The following VPS26A variants were observed in gnomAD, a reference collection of about 807,000 sequenced individuals.
VPS26A encodes the protein VPS26 retromer complex component A.
VPS26A carries 22 observed loss-of-function variants against 42.4 expected under a neutral mutation model. The observed-to-expected ratio is 0.52, with a 90% CI of 0.37 to 0.74. The LOEUF (loss-of-function observed/expected upper bound fraction) is 0.74. Ranked by LOEUF, VPS26A falls within the 30% of genes least tolerant of loss-of-function variation. The pLI is 0.00. For synonymous variants in VPS26A, 110 were observed against 123.5 expected, an observed-to-expected ratio of 0.89 and a Z score of 0.73; for missense variants, 276 against 379.2, an observed-to-expected ratio of 0.73 and a Z score of 2.26.
chr10:69,164,046 C>T (rs866582276), intron 6 of VPS26A, among the ~76,000 whole-genome samples: 4 of 152,026 alleles, frequency 2.6e-5, no homozygotes, highest in Non-Finnish European at 5.9e-5. Context: ...GGATTACAAG[C>T]GTGAGCCACC....
chr10:69,124,457 C>A (rs1391297233), intron 1 of VPS26A, among the ~76,000 whole-genome samples, 177 bp downstream of exon 1: 3 of 152,048 alleles, frequency 2.0e-5, no homozygotes, highest in Admixed American at 1.3e-4. Flanking sequence ...GCCACCTCTT[C>A]CCGGTCTCGG....
chr10:69,125,800 A>G (rs61868343), intron 1 of VPS26A, among the ~76,000 whole-genome samples: 27,179 of 151,996 alleles, frequency 0.18, 2,791 homozygotes, highest in Non-Finnish European at 0.23. Flanking sequence ...TCCACCTCAG[A>G]AATGCAATGA....
chr10:69,142,848 A>G (rs911881424), intron 2 of VPS26A, among the ~76,000 whole-genome samples: 4 of 152,222 alleles, frequency 2.6e-5, no homozygotes, highest in South Asian at 2.1e-4. Context: ...CTAGTTTTCA[A>G]ACATCCTGGT....
intron 8 of VPS26A, among the ~76,000 whole-genome samples, 175 bp from the exon 9 acceptor site, chr10:69,170,981 G>T (rs1396631539): frequency 3.3e-5 from 5 of 152,160 alleles, no homozygotes; most frequent in Non-Finnish European, 7.3e-5. Context: ...AGCACTAGAG[G>T]TAGAAGGGGC....
chr10:69,133,506 A>C, intron 2 of VPS26A: 1 of 1,239,660 alleles, frequency 8.1e-7, no homozygotes. Context: ...TACTGCTACT[A>C]TTGTGTCTGT....
chr10:69,165,645 C>T (rs1241039248), intron 6 of VPS26A, among the ~76,000 whole-genome samples: 3 of 151,744 alleles, frequency 2.0e-5, no homozygotes, highest in African/African-American at 7.3e-5. Context: ...CATCTCTATC[C>T]CAAAAAATAC....
intron 8 of VPS26A, among the ~76,000 whole-genome samples, chr10:69,169,795 G>T (rs927196651): frequency 1.3e-5 from 2 of 151,812 alleles, no homozygotes; most frequent in East Asian, 1.9e-4. Context: ...TTTTAGTAGA[G>T]ACTGGGTTTC....
intron 6 of VPS26A, among the ~76,000 whole-genome samples, chr10:69,163,836 G>A (rs1325967595): frequency 6.7e-6 from 1 of 150,166 alleles, no homozygotes; most frequent in East Asian, 1.9e-4. Flanking sequence ...CGCAATCTCG[G>A]CTCACTGCAA....
chr10:69,124,649 T>C (rs1461528827), intron 1 of VPS26A, among the ~76,000 whole-genome samples: 1 of 152,142 alleles, frequency 6.6e-6, no homozygotes, highest in Non-Finnish European at 1.5e-5. Flanking sequence ...CAGCCTCTCT[T>C]CCATCCAGGT....
At chr10:69,151,319 G>T (rs552875241) in intron 2 of VPS26A, among the ~76,000 whole-genome samples, 1 of 149,810 alleles carries the variant, frequency 6.7e-6, no homozygotes, top group African/African-American at 2.5e-5. Flanking sequence ...GTGTGTGGTG[G>T]CAGTTGCCTG....
chr10:69,165,233 G>T (rs541860474), intron 6 of VPS26A, among the ~76,000 whole-genome samples: 1 of 151,894 alleles, frequency 6.6e-6, no homozygotes, highest in Non-Finnish European at 1.5e-5. Context: ...TGGCCTCATC[G>T]TCGGGTTTTT....
At position 69,157,216 on chromosome 10, in the gene VPS26A, C is replaced by A. The variant is rs550191690; in HGVS notation, c.386+53C>A. The A allele has an allele frequency of 6.9e-4, 1,051 of 1,531,418 alleles. 13 individuals carry two copies. In the South Asian group the frequency reaches 0.011, roughly 15 times the overall value. The allele number at this position is 1,531,418 out of a possible 1,614,324, so 94.9% of individuals were successfully genotyped here. On this transcript the variant is annotated intron_variant, in intron 4 of 8. Coordinates refer to ENST00000263559, the MANE Select transcript of VPS26A (RefSeq NM_004896.5). ...CAGAATCAAAACCAGAAAGTAATGA[C>A]TACTGTTGATATCTTATTTGAACCT...
chr10:69,124,937 C>CT (rs1049281083), intron 1 of VPS26A, among the ~76,000 whole-genome samples: 5 of 152,194 alleles, frequency 3.3e-5, no homozygotes, highest in Non-Finnish European at 7.3e-5. Context: ...TTTCGCTGAA[C>CT]TTAACGCTCT....
chr10:69,137,901 C>T (rs989215125), intron 2 of VPS26A, among the ~76,000 whole-genome samples: 2 of 147,326 alleles, frequency 1.4e-5, no homozygotes, highest in Non-Finnish European at 2.9e-5. Flanking sequence ...AAAATTCACC[C>T]ATTTTAAGTG....
chr10:69,127,871 A>G (rs1186145272), intron 1 of VPS26A, among the ~76,000 whole-genome samples: 1 of 150,834 alleles, frequency 6.6e-6, no homozygotes, highest in African/African-American at 2.4e-5. Flanking sequence ...TAATTTTTTA[A>G]ATTTTTGTAG....
chr10:69,145,685 C>T (rs1841142478), intron 2 of VPS26A, among the ~76,000 whole-genome samples: 1 of 151,160 alleles, frequency 6.6e-6, no homozygotes, highest in Non-Finnish European at 1.5e-5. Flanking sequence ...GAATTTTATT[C>T]TGTTCTGTTG....
intron 2 of VPS26A, among the ~76,000 whole-genome samples, chr10:69,137,862 G>GATATATATATATATATATAT (rs745881334): frequency 5.7e-4 from 82 of 144,858 alleles, no homozygotes; most frequent in African/African-American, 2.2e-3. Flanking sequence ...GCTGTATTGA[G>GATATATATATATATATATAT]ATATATATAT....
At chr10:69,168,685 C>A in intron 8 of VPS26A, 54 bp downstream of exon 8, 1 of 1,581,984 alleles carries the variant, frequency 6.3e-7, no homozygotes, top group South Asian at 1.2e-5. Flanking sequence ...AAAAATACCT[C>A]GAAAGCACTC....
intron 2 of VPS26A, among the ~76,000 whole-genome samples, chr10:69,140,413 C>T (rs1208067194): frequency 6.6e-6 from 1 of 152,040 alleles, no homozygotes; most frequent in African/African-American, 2.4e-5. Context: ...CACTCTGTCA[C>T]CCATGTTGGA....
Sources: allele counts gnomAD v4.1 joint callset (sites outside exome capture counted in the v4.1 genomes callset), GRCh38; gene constraint gnomAD v4.1.1; transcripts MANE v1.5; gene names NCBI Gene and HGNC (gene_info 2026-07-23, HGNC 2026-07-21).